Variants in CORIN observed in about 807,000 individuals in gnomAD.
CORIN encodes atrial natriuretic peptide-converting enzyme.
In CORIN, 117 loss-of-function variants were observed where a neutral mutation model predicts 125.3. The ratio of observed to expected loss-of-function variants is 0.93; its 90% CI spans 0.80 to 1.09. The LOEUF (loss-of-function observed/expected upper bound fraction) is 1.09, where lower values mean the gene tolerates loss of function less well. Among genes scored for constraint, CORIN ranks in the 50% least tolerant of loss-of-function variants. CORIN has a pLI of 0.00. For missense variants in CORIN, 1,253 were observed against 1,306.7 expected, an observed-to-expected ratio of 0.96 and a Z score of 0.63; for synonymous variants, 450 against 466.4, an observed-to-expected ratio of 0.96 and a Z score of 0.45.
chr4:47,696,714 CA>C (rs1726024715), intron 5 of CORIN, among the ~76,000 whole-genome samples: 1 of 152,166 alleles, frequency 6.6e-6, no homozygotes, highest in Admixed American at 6.5e-5. Context: ...AGTACATACC[CA>C]AAGGATGATC....
chr4:47,713,388 T>C (rs946921478), intron 5 of CORIN, among the ~76,000 whole-genome samples: 6 of 152,196 alleles, frequency 3.9e-5, no homozygotes, highest in African/African-American at 1.4e-4. Context: ...AAATATCCCA[T>C]GCAGGGAAAC....
intron 19 of CORIN, among the ~76,000 whole-genome samples, chr4:47,606,371 G>GC (rs1008842382): frequency 2.6e-5 from 4 of 151,996 alleles, no homozygotes; most frequent in African/African-American, 9.7e-5. Flanking sequence ...ACTGGCCTCA[G>GC]CCCCCCACCA....
rs6852028 is a variant in CORIN, at chr4:47,666,747, A to G, written c.1358-1484T>C. 5.3e-3 allele frequency among the ~76,000 whole-genome samples: 804 copies of G among 152,298 alleles called. 5 individuals are homozygous for G. Among genetic ancestry groups the G allele is most frequent in the African/African-American group, 0.018 (756 of 41,558 alleles). On this transcript the variant is annotated intron_variant, in intron 10 of 21. Coordinates refer to ENST00000273857, the MANE Select transcript of CORIN (RefSeq NM_006587.4). ...GCAAGAGGGCAACTGTCTGCAAACC[A>G]GGAAGCAGCCTGTTACCAGAGACCA...
chr4:47,719,731 T>C (rs1356583730), intron 5 of CORIN, among the ~76,000 whole-genome samples: 2 of 152,170 alleles, frequency 1.3e-5, no homozygotes, highest in Non-Finnish European at 2.9e-5. Flanking sequence ...TTCTGAAATG[T>C]GCGTGGAGAA....
At chr4:47,666,459 G>C (rs76147629) in intron 10 of CORIN, among the ~76,000 whole-genome samples, 2 of 152,172 alleles carry the variant, frequency 1.3e-5, no homozygotes, top group Non-Finnish European at 2.9e-5. Flanking sequence ...CCACAATCTC[G>C]ATAGGAAAAA....
intron 5 of CORIN, among the ~76,000 whole-genome samples, chr4:47,696,195 C>T (rs1310033961): frequency 6.6e-6 from 1 of 152,156 alleles, no homozygotes; most frequent in African/African-American, 2.4e-5. Flanking sequence ...GATTTTTCTA[C>T]CATAAATATC....
intron 5 of CORIN, among the ~76,000 whole-genome samples, chr4:47,721,274 CTT>C (rs1242563708): frequency 4.9e-5 from 7 of 143,526 alleles, no homozygotes; most frequent in Non-Finnish European, 7.7e-5. Flanking sequence ...CTCATTTTTT[CTT>C]TTTTTTTTTT....
chr4:47,662,674 T>G (rs1049447794), intron 11 of CORIN, among the ~76,000 whole-genome samples: 1 of 152,122 alleles, frequency 6.6e-6, no homozygotes. Flanking sequence ...ATACTCTTAA[T>G]GGACTCAAAT....
chr4:47,771,396 CA>C (rs1300224968), intron 3 of CORIN, among the ~76,000 whole-genome samples: 1 of 152,162 alleles, frequency 6.6e-6, no homozygotes, highest in East Asian at 1.9e-4. Flanking sequence ...TAAGAGAAAA[CA>C]TAAAACTGAA....
At chr4:47,631,881 G>A (rs1441133794) in intron 16 of CORIN, among the ~76,000 whole-genome samples, 1 of 152,182 alleles carries the variant, frequency 6.6e-6, no homozygotes, top group African/African-American at 2.4e-5. Flanking sequence ...GCTTCTTGAG[G>A]AATTGTGTAG....
intron 4 of CORIN, among the ~76,000 whole-genome samples, chr4:47,762,736 C>T: frequency 6.6e-6 from 1 of 152,158 alleles, no homozygotes; most frequent in East Asian, 1.9e-4. Flanking sequence ...GAATTATGCA[C>T]CCTTGTCCTC....
rs573056180 is a variant in CORIN at position 47,825,043 on chromosome 4, A to G, written c.63+12844T>C. Among the ~76,000 whole-genome samples, 7 of 152,304 alleles carry G rather than the reference A, an allele frequency of 4.6e-5. No individual in the cohort carries two copies. In the East Asian group the frequency reaches 7.7e-4, roughly 17 times the overall value. The stretch of plus-strand genomic sequence containing the variant: ...CACTCCACCTGGGAAATGTGAGCAC[A>G]CCGCTGGCCTGTGGCAAATGAGGTA... On this transcript the variant is annotated intron_variant, in intron 1 of 21. Coordinates refer to ENST00000273857, the MANE Select transcript of CORIN (RefSeq NM_006587.4).
intron 4 of CORIN, among the ~76,000 whole-genome samples, chr4:47,760,696 T>G (rs1239021290): frequency 7.9e-5 from 12 of 152,248 alleles, no homozygotes. Flanking sequence ...TTTGAAGTTT[T>G]AAAGCCAGGC....
chr4:47,639,363 C>A (rs900961553), intron 16 of CORIN, among the ~76,000 whole-genome samples: 1 of 152,142 alleles, frequency 6.6e-6, no homozygotes, highest in Non-Finnish European at 1.5e-5. Flanking sequence ...GTGTTCTTGG[C>A]TGTTTACCTA....
intron 6 of CORIN, among the ~76,000 whole-genome samples, chr4:47,685,998 G>T (rs1577826536): frequency 6.7e-6 from 1 of 148,836 alleles, no homozygotes; most frequent in East Asian, 2.0e-4. Context: ...TTCTCCTCAA[G>T]CAGAAGCCTG....
chr4:47,662,591 G>T (rs1476250731), intron 11 of CORIN, among the ~76,000 whole-genome samples: 3 of 150,930 alleles, frequency 2.0e-5, no homozygotes, highest in African/African-American at 7.3e-5. Flanking sequence ...TATGATTTTT[G>T]TCTCAATATA....
chr4:47,609,438 C>T (rs1392076139), intron 19 of CORIN, among the ~76,000 whole-genome samples: 1 of 152,064 alleles, frequency 6.6e-6, no homozygotes, highest in Non-Finnish European at 1.5e-5. Flanking sequence ...CAGGGTTTCA[C>T]CATGTTGGCC....
rs999424122 is a variant in CORIN, at chr4:47,769,298, A to T, written c.410-5712T>A. ...CACATTTACAATAGCTACAAAAAAA[A>T]TACTTAGGAATAAATTTAACCAAGG... On this transcript the variant is annotated intron_variant, in intron 3 of 21. Coordinates refer to ENST00000273857, the MANE Select transcript of CORIN (RefSeq NM_006587.4). 1.1e-4 allele frequency among the ~76,000 whole-genome samples: 16 copies of T among 152,238 alleles called. No homozygotes were observed. The East Asian group carries it at 3.1e-3, about 29-fold the overall frequency.
At chr4:47,631,251 C>T (rs1389501176) in intron 16 of CORIN, among the ~76,000 whole-genome samples, 1 of 152,124 alleles carries the variant, frequency 6.6e-6, no homozygotes, top group African/African-American at 2.4e-5. Context: ...GTCCCCAGCC[C>T]CAGGGCCCCT....
Sources: gnomAD v4.1 joint callset for allele counts (sites outside exome capture counted in the v4.1 genomes callset) on GRCh38, gnomAD v4.1.1 for gene constraint, MANE v1.5 for transcripts, NCBI Gene and HGNC (gene_info 2026-07-23, HGNC 2026-07-21) for gene names.